Variants in CLASP2 observed in about 807,000 individuals in gnomAD.
The protein encoded by CLASP2 is CLIP-associating protein 2.
Under a neutral mutation model 194.4 loss-of-function variants are expected in CLASP2, and 47 were observed. That is an observed-to-expected ratio of 0.24 (90% confidence interval 0.19 to 0.31). CLASP2 has a LOEUF of 0.31. Among genes scored for constraint, CLASP2 ranks in the 10% least tolerant of loss-of-function variants. The pLI is 1.00. For synonymous variants in CLASP2, 619 were observed against 633.5 expected, an observed-to-expected ratio of 0.98 and a Z score of 0.34; for missense variants, 1,445 against 1,823.6, an observed-to-expected ratio of 0.79 and a Z score of 3.78.
chr3:33,695,762 A>C (rs1408976236), intron 2 of CLASP2, among the ~76,000 whole-genome samples: 1 of 152,110 alleles, frequency 6.6e-6, no homozygotes, highest in Non-Finnish European at 1.5e-5. Flanking sequence ...TAACATAACA[A>C]CACCCCATCT....
At chr3:33,620,514 G>A (rs1383765368) in intron 11 of CLASP2, among the ~76,000 whole-genome samples, 1 of 152,178 alleles carries the variant, frequency 6.6e-6, no homozygotes, top group African/African-American at 2.4e-5. Context: ...GATTCAAAGA[G>A]CTCAGATTCC....
At chr3:33,527,793 C>T (rs1162366148) in intron 34 of CLASP2, among the ~76,000 whole-genome samples, 2 of 152,094 alleles carry the variant, frequency 1.3e-5, no homozygotes, top group African/African-American at 2.4e-5. Context: ...TAAAACCCAT[C>T]TTTACTAAAA....
chr3:33,518,944 A>G (rs1464679331), intron 34 of CLASP2, among the ~76,000 whole-genome samples: 1 of 152,190 alleles, frequency 6.6e-6, no homozygotes, highest in Non-Finnish European at 1.5e-5. Context: ...TGAAAAGAAC[A>G]TAGGCTCTGT....
At chr3:33,573,426 A>G in intron 24 of CLASP2, 72 bp from the exon 25 acceptor site, 1 of 1,462,838 alleles carries the variant, frequency 6.8e-7, no homozygotes, top group Non-Finnish European at 9.4e-7. Context: ...TCTACTGACC[A>G]CAAAAGGATT....
intron 16 of CLASP2, among the ~76,000 whole-genome samples, chr3:33,604,511 G>C (rs1311003568): frequency 1.3e-5 from 2 of 151,978 alleles, no homozygotes; most frequent in Non-Finnish European, 2.9e-5. Context: ...TAGAGATCGG[G>C]TTTCCCTAAG....
At chr3:33,657,200 A>G (rs972221694) in intron 7 of CLASP2, among the ~76,000 whole-genome samples, 1 of 152,154 alleles carries the variant, frequency 6.6e-6, no homozygotes, top group African/African-American at 2.4e-5. Flanking sequence ...ATATGTTTAC[A>G]TGATTCTGGT....
At position 33,509,645 on chromosome 3, in the gene CLASP2, T is replaced by C. The variant is rs553855388; in HGVS notation, c.4317+913A>G. Among the ~76,000 whole-genome samples the C allele has an allele frequency of 3.9e-5, 6 of 152,358 alleles. No individual in the cohort carries two copies. The East Asian group carries it at 9.6e-4, about 24-fold the overall frequency. On this transcript the variant is annotated intron_variant, in intron 37 of 38. Coordinates refer to ENST00000682230, the MANE Select transcript of CLASP2 (RefSeq NM_001365631.1). ...AATACTATAGATGCATAATGATTAG[T>C]TCTCTTTAGGAGGGTTCTTAATATA...
At chr3:33,523,640 T>C (rs563259177) in intron 34 of CLASP2, among the ~76,000 whole-genome samples, 2 of 152,158 alleles carry the variant, frequency 1.3e-5, no homozygotes, top group Admixed American at 1.3e-4. Flanking sequence ...GAAATACAGA[T>C]CTCAATAAAC....
intron 27 of CLASP2, among the ~76,000 whole-genome samples, chr3:33,565,848 T>C (rs563613209): frequency 6.6e-6 from 1 of 151,320 alleles, no homozygotes; most frequent in South Asian, 2.1e-4. Flanking sequence ...ATAATATATA[T>C]AATAAATAAA....
At chr3:33,659,560 A>G (rs1437257438) in intron 7 of CLASP2, 1 of 247,372 alleles carries the variant, frequency 4.0e-6, no homozygotes, top group Admixed American at 6.5e-5. Context: ...GGAATAGCCC[A>G]GTTTCCATGA....
At chr3:33,626,877 A>G in intron 10 of CLASP2, 111 bp downstream of exon 10, 2 of 625,978 alleles carry the variant, frequency 3.2e-6, no homozygotes, top group Middle Eastern at 4.2e-4. Flanking sequence ...TACCTATCAG[A>G]CTCTCTATTT....
At chr3:33,642,383 A>C (rs1345180716) in intron 8 of CLASP2, among the ~76,000 whole-genome samples, 1 of 151,952 alleles carries the variant, frequency 6.6e-6, no homozygotes, top group Non-Finnish European at 1.5e-5. Flanking sequence ...AGTTACAAAA[A>C]AACTACACAA....
intron 7 of CLASP2, among the ~76,000 whole-genome samples, chr3:33,649,989 A>G (rs2082915241): frequency 6.6e-6 from 1 of 152,306 alleles, no homozygotes; most frequent in East Asian, 1.9e-4. Flanking sequence ...ATAATTTCCC[A>G]AAAGGCACCA....
intron 37 of CLASP2, among the ~76,000 whole-genome samples, chr3:33,505,747 G>T (rs2048006884): frequency 1.3e-5 from 2 of 152,162 alleles, no homozygotes; most frequent in Non-Finnish European, 2.9e-5. Flanking sequence ...GTCATTCAAT[G>T]AGATGCCACC....
intron 34 of CLASP2, 118 bp from the exon 35 acceptor site, chr3:33,517,292 AC>A: frequency 1.3e-6 from 1 of 789,174 alleles, no homozygotes; most frequent in Non-Finnish European, 1.9e-6. Flanking sequence ...TGTAAAAAAG[AC>A]AAAGAAAAAA....
intron 27 of CLASP2, among the ~76,000 whole-genome samples, chr3:33,564,141 C>T (rs993816399): frequency 1.3e-5 from 2 of 152,128 alleles, no homozygotes; most frequent in African/African-American, 4.8e-5. Context: ...AAAATAAAGA[C>T]TATATTTTTA....
At chr3:33,695,220 A>ATTTTTTTT (rs762657276) in intron 2 of CLASP2, among the ~76,000 whole-genome samples, 4,987 of 103,350 alleles carry the variant, frequency 0.048, 212 homozygotes, top group Non-Finnish European at 0.062. Context: ...AAGCCTGCTA[A>ATTTTTTTT]TTTTTTTTTT....
intron 6 of CLASP2, among the ~76,000 whole-genome samples, chr3:33,681,563 T>C (rs939669236): frequency 2.6e-5 from 4 of 152,172 alleles, no homozygotes; most frequent in Non-Finnish European, 5.9e-5. Flanking sequence ...AGGAAAAGAA[T>C]TGGCAAACTC....
chr3:33,714,768 A>G (rs932950425), intron 1 of CLASP2, among the ~76,000 whole-genome samples: 1 of 152,036 alleles, frequency 6.6e-6, no homozygotes, highest in Non-Finnish European at 1.5e-5. Flanking sequence ...TTAGACAGGA[A>G]TTTGTTATGT....
Sources: allele counts gnomAD v4.1 joint callset (sites outside exome capture counted in the v4.1 genomes callset), GRCh38; gene constraint gnomAD v4.1.1; transcripts MANE v1.5; gene names NCBI Gene and HGNC (gene_info 2026-07-23, HGNC 2026-07-21).